Variants in RSPH14 observed in about 807,000 individuals in gnomAD.
The protein encoded by RSPH14 is rhabdoid tumor deletion region gene 1.
In RSPH14, 20 loss-of-function variants were observed where a neutral mutation model predicts 26.7. The ratio of observed to expected loss-of-function variants is 0.75; its 90% CI spans 0.53 to 1.09. The LOEUF (loss-of-function observed/expected upper bound fraction) is 1.09. Among genes scored for constraint, RSPH14 ranks in the 50% least tolerant of loss-of-function variants. The pLI, the probability that RSPH14 is intolerant of heterozygous loss-of-function variation, is 0.00. For synonymous variants in RSPH14, 177 were observed against 189.3 expected, an observed-to-expected ratio of 0.93 and a Z score of 0.53; for missense variants, 449 against 457.2, an observed-to-expected ratio of 0.98 and a Z score of 0.16.
At chr22:23,139,747 G>A (rs376874807) in intron 2 of RSPH14, among the ~76,000 whole-genome samples, 1 of 152,296 alleles carries the variant, frequency 6.6e-6, no homozygotes, top group East Asian at 1.9e-4. Context: ...ACTCTCCCCT[G>A]TAGGTGGCCT....
chr22:23,069,403 C>A (rs917820953), intron 4 of RSPH14, among the ~76,000 whole-genome samples: 12 of 152,336 alleles, frequency 7.9e-5, no homozygotes, highest in Non-Finnish European at 5.9e-5. Context: ...CATGTCTTGG[C>A]CCTCTGGCTT....
At chr22:23,097,082 G>A (rs748158788) in intron 4 of RSPH14, among the ~76,000 whole-genome samples, 8 of 152,186 alleles carry the variant, frequency 5.3e-5, no homozygotes, top group South Asian at 4.1e-4. Context: ...GGTGGAGGCC[G>A]TGGCAGGCAA....
At chr22:23,174,541 G>T in the RSPH14 span, among the ~76,000 whole-genome samples, 1 of 152,142 alleles carries the variant, frequency 6.6e-6, no homozygotes, top group Admixed American at 6.5e-5. Context: ...AACATAATAT[G>T]GATTGGGGAT....
chr22:23,149,881 G>A (rs1199607930), upstream of RSPH14, among the ~76,000 whole-genome samples: 2 of 152,238 alleles, frequency 1.3e-5, no homozygotes, highest in African/African-American at 4.8e-5. Context: ...CAAGGCCCCA[G>A]AGCCTCAAGG....
chr22:23,072,933 G>T (rs1351936044), intron 4 of RSPH14, among the ~76,000 whole-genome samples: 4 of 152,232 alleles, frequency 2.6e-5, no homozygotes, highest in Non-Finnish European at 5.9e-5. Context: ...GAATTTGCAG[G>T]TAACTGGATT....
chr22:23,177,615 C>T, the RSPH14 span, among the ~76,000 whole-genome samples: 3 of 152,076 alleles, frequency 2.0e-5, no homozygotes, highest in Non-Finnish European at 4.4e-5. Context: ...GAAAACTCTA[C>T]AGGAAAGGCC....
At chr22:23,059,788 C>T in intron 6 of RSPH14, 70 bp from the exon 7 acceptor site, 2 of 1,460,494 alleles carry the variant, frequency 1.4e-6, no homozygotes, top group South Asian at 2.9e-5. Flanking sequence ...CTCACCCTAG[C>T]CCTCTCCTGA....
At chr22:23,118,492 G>A (rs2069916500) in intron 4 of RSPH14, among the ~76,000 whole-genome samples, 1 of 141,554 alleles carries the variant, frequency 7.1e-6, no homozygotes, top group South Asian at 2.3e-4. Flanking sequence ...ACCCCCCGCG[G>A]CTGCCTTGGC....
intron 3 of RSPH14, 139 bp downstream of exon 3, chr22:23,138,701 G>T (rs771024967): frequency 1.8e-5 from 12 of 680,366 alleles, no homozygotes; most frequent in Admixed American, 8.6e-5. Flanking sequence ...AAAGAGTCCT[G>T]CTCTGGCTAA....
intron 4 of RSPH14, among the ~76,000 whole-genome samples, chr22:23,091,341 C>T (rs755823375): frequency 4.6e-5 from 7 of 152,158 alleles, no homozygotes; most frequent in Non-Finnish European, 1.0e-4. Context: ...GACCTGCATA[C>T]ACATAGGCAC....
intron 4 of RSPH14, among the ~76,000 whole-genome samples, chr22:23,113,916 T>G (rs1036558472): frequency 6.6e-6 from 1 of 152,254 alleles, no homozygotes; most frequent in Non-Finnish European, 1.5e-5. Flanking sequence ...TTGGTCACTG[T>G]GTCAGCAGTG....
chr22:23,130,085 AAGAAAGAAAGAAAG>A (rs2070292023), intron 4 of RSPH14, among the ~76,000 whole-genome samples: 2 of 9,396 alleles, frequency 2.1e-4, no homozygotes, highest in African/African-American at 4.8e-4. Flanking sequence ...GAAAGAAAGG[AAGAAAGAAAGAAAG>A]AAAGAAAGAA....
the RSPH14 span, chr22:23,155,935 A>C: frequency 1.3e-6 from 2 of 1,584,098 alleles, no homozygotes; most frequent in East Asian, 4.6e-5. Flanking sequence ...GTAGCCTGAC[A>C]CCATTTCCCT....
chr22:23,134,247 G>A, intron 3 of RSPH14, 103 bp from the exon 4 acceptor site: 3 of 799,170 alleles, frequency 3.8e-6, no homozygotes, highest in Non-Finnish European at 4.1e-6. Context: ...ATGCTATCTG[G>A]GGTAGACCAC....
intron 1 of RSPH14, 130 bp downstream of exon 1, chr22:23,141,819 G>T (rs574681012): frequency 7.9e-6 from 2 of 253,236 alleles, no homozygotes; most frequent in South Asian, 1.5e-4. Context: ...AGCGGCGTGG[G>T]CTGGGAGAGT....
At chr22:23,110,728 A>G (rs2069620877) in intron 4 of RSPH14, among the ~76,000 whole-genome samples, 1 of 152,208 alleles carries the variant, frequency 6.6e-6, no homozygotes, top group Non-Finnish European at 1.5e-5. Flanking sequence ...TTGTCATAGA[A>G]ACAGCAGTGC....
chr22:23,092,977 T>C (rs1367597783), intron 4 of RSPH14, among the ~76,000 whole-genome samples: 5 of 152,198 alleles, frequency 3.3e-5, no homozygotes, highest in African/African-American at 1.2e-4. Context: ...GAACCCTGGG[T>C]CCCCAGGCAG....
chr22:23,130,328 G>T (rs957445254), intron 4 of RSPH14, among the ~76,000 whole-genome samples: 1 of 151,392 alleles, frequency 6.6e-6, no homozygotes, highest in Non-Finnish European at 1.5e-5. Context: ...GGTGGCGGGT[G>T]CCTGTAGTCC....
At chr22:23,123,613 C>G in intron 4 of RSPH14, 2 of 598,144 alleles carry the variant, frequency 3.3e-6, no homozygotes, top group Non-Finnish European at 6.0e-6. Flanking sequence ...GGATAGATTG[C>G]TAGGTAGATA....
Sources: gnomAD v4.1 joint callset for allele counts (sites outside exome capture counted in the v4.1 genomes callset) on GRCh38, gnomAD v4.1.1 for gene constraint, MANE v1.5 for transcripts, NCBI Gene and HGNC (gene_info 2026-07-23, HGNC 2026-07-21) for gene names.